The following FAM78B variants were observed in gnomAD, a reference collection of about 807,000 sequenced individuals.
FAM78B encodes family with sequence similarity 78 member B, also known as protein FAM78B.
In FAM78B, 10 loss-of-function variants were observed where a neutral mutation model predicts 20.0. The observed-to-expected ratio is 0.50, with a 90% confidence interval of 0.31 to 0.85. The LOEUF (loss-of-function observed/expected upper bound fraction) is 0.85. FAM78B is among the 40% of genes least tolerant of loss of function. The pLI, the probability that FAM78B is intolerant of heterozygous loss-of-function variation, is 0.05. For synonymous variants in FAM78B, 135 were observed against 132.8 expected (o/e 1.02, Z -0.12); for missense variants, 283 against 345.0 (o/e 0.82, Z 1.42).
chr1:166,139,728 A>G (rs1446086212), intron 1 of FAM78B, among the ~76,000 whole-genome samples: 1 of 152,196 alleles, frequency 6.6e-6, no homozygotes, highest in East Asian at 1.9e-4. Context: ...TAACCAGACT[A>G]ATGAATCCCA....
chr1:166,128,148 C>T lies in FAM78B; in HGVS notation c.263+37838G>A, dbSNP rs1351037188. ...TAAGCCAACAAAAGTAATTCTGACACCCTATTACCTATAGGAGCTAAACTT... is the reference window on the plus strand; with the variant it reads ...TAAGCCAACAAAAGTAATTCTGACATCCTATTACCTATAGGAGCTAAACTT... On this transcript the variant is annotated intron_variant, in intron 1 of 1. Coordinates refer to ENST00000354422, the MANE Select transcript of FAM78B (RefSeq NM_001017961.5). Among the ~76,000 whole-genome samples, 4 of 152,098 alleles carry T rather than the reference C, an allele frequency of 2.6e-5. No individual in the cohort carries two copies. In the East Asian group the frequency reaches 5.8e-4, roughly 22 times the overall value.
chr1:166,103,198 T>C (rs1210561698), intron 1 of FAM78B, among the ~76,000 whole-genome samples: 2 of 152,284 alleles, frequency 1.3e-5, no homozygotes, highest in South Asian at 2.1e-4. Context: ...GGGACACATT[T>C]AAAGCAGTGT....
rs1651947821 is a variant in FAM78B at position 166,069,866 on chromosome 1, T to C, written c.*375A>G. ...TGGATGTTTTCACTCCTACTTCTAA[T>C]TGGCTGGGAAGCAGCATTTGCCACA... On this transcript the variant is annotated 3_prime_UTR_variant, in exon 2 of 2. Transcript: ENST00000354422. The C allele has an allele frequency of 5.7e-6, 3 of 530,492 alleles. No individual in the cohort carries two copies. The highest frequency in any genetic ancestry group is 2.1e-5 in the African/African-American group (1 of 48,522). 32.9% of individuals were successfully genotyped at this position (530,492 alleles called of 1,614,324 possible). A position where few individuals can be genotyped will look rare whatever the true frequency, so the allele number is the denominator to read the frequency against.
intron 1 of FAM78B, among the ~76,000 whole-genome samples, chr1:166,084,271 T>A (rs920902319): frequency 6.6e-6 from 1 of 151,904 alleles, no homozygotes; most frequent in South Asian, 2.1e-4. Flanking sequence ...TCTCTTTCTC[T>A]CTCTCTCTTT....
chr1:166,162,756 C>T (rs1018849092), intron 1 of FAM78B, among the ~76,000 whole-genome samples: 1 of 152,140 alleles, frequency 6.6e-6, no homozygotes, highest in Non-Finnish European at 1.5e-5. Context: ...CAACAGACCC[C>T]AAGCTACCTT....
Position 166,086,096 on chromosome 1 carries a change from A to G in FAM78B, c.264-15333T>C, listed in dbSNP as rs117815725. 4.0e-3 allele frequency among the ~76,000 whole-genome samples: 585 copies of G among 147,896 alleles called. 9 individuals are homozygous for G. The East Asian group carries it at 0.055, about 14-fold the overall frequency. The stretch of plus-strand genomic sequence containing the variant: ...CTCTTTTTTTTTTTTTTTTTTGCAT[A>G]AAGGAGCTGAGGCTCAGGCTAAATG... On this transcript the variant is annotated intron_variant, in intron 1 of 1. Transcript: ENST00000354422.
intron 1 of FAM78B, among the ~76,000 whole-genome samples, chr1:166,116,419 C>G (rs1443586376): frequency 1.3e-5 from 2 of 152,174 alleles, no homozygotes; most frequent in East Asian, 3.9e-4. Context: ...TTGGCTCTGT[C>G]CAGGGCAACA....
At chr1:166,159,602 T>C (rs1176001425) in intron 1 of FAM78B, among the ~76,000 whole-genome samples, 4 of 152,198 alleles carry the variant, frequency 2.6e-5, no homozygotes, top group African/African-American at 9.6e-5. Context: ...CCCTGCTGCC[T>C]GTGGAAGGTC....
At chr1:166,153,371 G>T (rs1453955219) in intron 1 of FAM78B, among the ~76,000 whole-genome samples, 1 of 152,146 alleles carries the variant, frequency 6.6e-6, no homozygotes, top group African/African-American at 2.4e-5. Flanking sequence ...ACAAGCAGAG[G>T]GTCAGAAACC....
At chr1:166,072,621 C>T (rs1652094159) in intron 1 of FAM78B, among the ~76,000 whole-genome samples, 1 of 152,156 alleles carries the variant, frequency 6.6e-6, no homozygotes, top group African/African-American at 2.4e-5. Context: ...GTTTCATGCC[C>T]CCAAGCAAAG....
At chr1:166,119,580 C>T (rs1380420919) in intron 1 of FAM78B, among the ~76,000 whole-genome samples, 1 of 152,160 alleles carries the variant, frequency 6.6e-6, no homozygotes, top group Non-Finnish European at 1.5e-5. Context: ...GAAAGCCGAC[C>T]CCACTTTAAC....
chr1:166,101,783 C>A (rs1452205141), intron 1 of FAM78B, among the ~76,000 whole-genome samples: 1 of 152,080 alleles, frequency 6.6e-6, no homozygotes, highest in Non-Finnish European at 1.5e-5. Context: ...GGAAAACACT[C>A]TGCAGGATAT....
intron 1 of FAM78B, among the ~76,000 whole-genome samples, chr1:166,149,585 G>A (rs915234333): frequency 1.3e-5 from 2 of 152,164 alleles, no homozygotes; most frequent in African/African-American, 4.8e-5. Context: ...CAGAGCCTTG[G>A]TTTTCTCTCA....
intron 1 of FAM78B, among the ~76,000 whole-genome samples, chr1:166,073,981 A>C (rs1019843488): frequency 1.3e-5 from 2 of 152,120 alleles, no homozygotes; most frequent in Non-Finnish European, 2.9e-5. Context: ...CACTTAATCC[A>C]AGCCCTCAGC....
intron 1 of FAM78B, among the ~76,000 whole-genome samples, chr1:166,101,186 A>G (rs1653499633): frequency 6.6e-6 from 1 of 152,198 alleles, no homozygotes; most frequent in African/African-American, 2.4e-5. Flanking sequence ...CCAAAACCCC[A>G]TCTGTACATC....
intron 1 of FAM78B, among the ~76,000 whole-genome samples, chr1:166,138,153 G>A (rs1655140274): frequency 6.6e-6 from 1 of 152,176 alleles, no homozygotes; most frequent in Non-Finnish European, 1.5e-5. Context: ...GTAGGACCTA[G>A]AGGGGACGGA....
chr1:166,066,668 T>G (rs530424144), downstream of FAM78B, among the ~76,000 whole-genome samples: 5 of 152,246 alleles, frequency 3.3e-5, no homozygotes, highest in Non-Finnish European at 7.3e-5. Flanking sequence ...AGAAAATGCA[T>G]GTGGAAGGCT....
chr1:166,133,698 T>A (rs1335311534), intron 1 of FAM78B, among the ~76,000 whole-genome samples: 1 of 152,138 alleles, frequency 6.6e-6, no homozygotes, highest in African/African-American at 2.4e-5. Flanking sequence ...CCTAATTAAT[T>A]AGAGCAGGTC....
intron 1 of FAM78B, among the ~76,000 whole-genome samples, chr1:166,105,223 T>A (rs1321952174): frequency 2.0e-5 from 3 of 152,220 alleles, no homozygotes; most frequent in Non-Finnish European, 4.4e-5. Flanking sequence ...ATTAAAGACT[T>A]AAATGTTAGA....
Sources: allele counts gnomAD v4.1 joint callset (sites outside exome capture counted in the v4.1 genomes callset), GRCh38; gene constraint gnomAD v4.1.1; transcripts MANE v1.5; gene names NCBI Gene and HGNC (gene_info 2026-07-23, HGNC 2026-07-21).